Variants in RIF1 observed in about 807,000 individuals in gnomAD.
RIF1 encodes the protein telomere-associated protein RIF1.
Under a neutral mutation model 247.1 loss-of-function variants are expected in RIF1, and 45 were observed. The observed-to-expected ratio is 0.18, with a 90% CI of 0.14 to 0.23. RIF1 has a LOEUF of 0.23. Ranked by LOEUF, RIF1 falls within the 10% of genes least tolerant of loss-of-function variation. The pLI is 1.00. For missense variants in RIF1, 2,967 were observed against 2,862.5 expected (o/e 1.04, Z -0.83); for synonymous variants, 1,087 against 978.8 (o/e 1.11, Z -2.06).
intron 13 of RIF1, among the ~76,000 whole-genome samples, chr2:151,437,590 C>T (rs1019404764): frequency 2.0e-5 from 3 of 151,918 alleles, no homozygotes; most frequent in Non-Finnish European, 2.9e-5. Context: ...ACTCGGGAGG[C>T]GGAGGCATGA....
intron 2 of RIF1, among the ~76,000 whole-genome samples, chr2:151,410,742 C>T (rs905509765): frequency 3.9e-5 from 6 of 152,040 alleles, no homozygotes; most frequent in Non-Finnish European, 7.4e-5. Flanking sequence ...GTGTTTGGAA[C>T]GAGGGAGCAT....
intron 9 of RIF1, chr2:151,492,364 A>G: frequency 1.3e-5 from 20 of 1,592,598 alleles, no homozygotes; most frequent in Non-Finnish European, 1.7e-5. Flanking sequence ...CAGCCAGCCA[A>G]TCCTAAAGAA....
Position 151,474,837 on chromosome 2 carries a change from G to GTTTTTTTTTTTTTTTTTTTTTTTTT in RIF1, c.7205-10_7205-9insTTTTTTTTTTTTTTTTTTTTTTTTT. The GTTTTTTTTTTTTTTTTTTTTTTTTT allele has an allele frequency of 8.2e-7, 1 of 1,218,316 alleles. No individual in the cohort carries two copies. Among genetic ancestry groups the GTTTTTTTTTTTTTTTTTTTTTTTTT allele is most frequent in the Non-Finnish European group, 1.2e-6 (1 of 864,042 alleles). 75.5% of individuals were successfully genotyped at this position (1,218,316 alleles called of 1,614,324 possible). ...TTTGTCTGGTATAGATTTAATTGTGGTTTTTTTTTTCTCTTTTAGATATAA... is the reference window on the plus strand; with the variant it reads ...TTTGTCTGGTATAGATTTAATTGTGGTTTTTTTTTTTTTTTTTTTTTTTTTTTTTTTTTTTCTCTTTTAGATATAA... On this transcript the variant is annotated intron_variant, in intron 35 of 35. Coordinates refer to ENST00000444746, the MANE Select transcript of RIF1 (RefSeq NM_018151.5).
chr2:151,434,357 T>C (rs528610436), intron 10 of RIF1, among the ~76,000 whole-genome samples: 47 of 152,230 alleles, frequency 3.1e-4, no homozygotes, highest in African/African-American at 1.1e-3. Flanking sequence ...TGCATATCCT[T>C]ACTGGCATTT....
chr2:151,441,767 CT>C, intron 15 of RIF1, 137 bp from the exon 16 acceptor site: 2 of 456,952 alleles, frequency 4.4e-6, no homozygotes, highest in Non-Finnish European at 4.0e-6. Flanking sequence ...TGTATTTGAT[CT>C]TTTTTAACTA....
intron 21 of RIF1, among the ~76,000 whole-genome samples, chr2:151,453,888 C>T (rs1276470267): frequency 6.6e-6 from 1 of 152,104 alleles, no homozygotes; most frequent in Non-Finnish European, 1.5e-5. Context: ...ATGGATTATG[C>T]TATTCATTCC....
intron 33 of RIF1, 40 bp from the exon 34 acceptor site, chr2:151,469,671 A>C: frequency 7.1e-7 from 1 of 1,404,596 alleles, no homozygotes; most frequent in Non-Finnish European, 9.5e-7. Flanking sequence ...CATATAAATA[A>C]AACTATATAA....
the RIF1 span, among the ~76,000 whole-genome samples, chr2:151,529,521 G>A: frequency 7.4e-3 from 1,112 of 150,688 alleles, 17 homozygotes; most frequent in African/African-American, 0.026. Flanking sequence ...ATGGTCATCA[G>A]TGTTGCCATA....
chr2:151,428,593 T>C (rs1334819552), intron 8 of RIF1, among the ~76,000 whole-genome samples, 191 bp from the exon 9 acceptor site: 1 of 152,228 alleles, frequency 6.6e-6, no homozygotes, highest in African/African-American at 2.4e-5. Context: ...TATTTTCTTA[T>C]ATTCCTAAGA....
chr2:151,519,282 T>C, the RIF1 span, among the ~76,000 whole-genome samples: 1 of 152,346 alleles, frequency 6.6e-6, no homozygotes, highest in South Asian at 2.1e-4. Flanking sequence ...TACAATGGAA[T>C]ATTATTTAGC....
intron 31 of RIF1, 151 bp from the exon 32 acceptor site, chr2:151,468,323 A>G (rs1559027937): frequency 2.5e-6 from 2 of 811,274 alleles, no homozygotes; most frequent in Admixed American, 5.3e-5. Flanking sequence ...AGAGGCAGTA[A>G]TGATCCAGCA....
chr2:151,446,601 TTTTG>T (rs559696712), intron 20 of RIF1, 26 bp downstream of exon 20: 520 of 1,598,444 alleles, frequency 3.3e-4, no homozygotes, highest in Non-Finnish European at 4.2e-4. Flanking sequence ...TGCTACCTTT[TTTTG>T]TTTGTTTTTA....
At chr2:151,457,637 A>G (rs1695432082) in intron 23 of RIF1, 124 bp from the exon 24 acceptor site, 9 of 647,746 alleles carry the variant, frequency 1.4e-5, no homozygotes, top group Non-Finnish European at 1.9e-5. Context: ...AGAGGGATAT[A>G]TATTTAAGGC....
chr2:151,467,657 C>T (rs888203396), intron 30 of RIF1, among the ~76,000 whole-genome samples: 5 of 152,156 alleles, frequency 3.3e-5, no homozygotes, highest in African/African-American at 1.2e-4. Flanking sequence ...TCTGTTTTTA[C>T]ATCAGTCTTC....
chr2:151,435,962 G>A (rs1300695725), intron 11 of RIF1, among the ~76,000 whole-genome samples: 4 of 152,042 alleles, frequency 2.6e-5, no homozygotes, highest in Non-Finnish European at 5.9e-5. Context: ...GGTGGCTCAC[G>A]CCTGTAATCC....
intron 8 of RIF1, among the ~76,000 whole-genome samples, chr2:151,425,746 A>C (rs1441848335): frequency 1.5e-5 from 2 of 134,476 alleles, no homozygotes; most frequent in Non-Finnish European, 3.0e-5. Context: ...GGCTCACTGC[A>C]ACCTCTGTCT....
intron 13 of RIF1, 55 bp from the exon 14 acceptor site, chr2:151,438,626 CATA>C (rs748417089): frequency 6.8e-6 from 7 of 1,034,394 alleles, no homozygotes; most frequent in Non-Finnish European, 1.1e-5. Flanking sequence ...GAGTGTTAGT[CATA>C]GTACGTAGTC....
At chr2:151,485,676 CTTAGGTAA>C, downstream of RIF1, 1 of 1,325,002 alleles carries the variant, frequency 7.5e-7, no homozygotes, top group Non-Finnish European at 1.0e-6. Flanking sequence ...AGCTTGAGAA[CTTAGGTAA>C]CAGTGGAGAG....
At position 151,443,328 on chromosome 2, in the gene RIF1, A is replaced by G. The variant is rs1424992123; in HGVS notation, c.1804A>G (p.Arg602Gly). The change falls in exon 17 of 36, where the codon AGG (arginine) becomes GGG (glycine). Residue 602 changes from arginine (R) to glycine (G), a missense_variant and splice_region_variant. Coordinates refer to ENST00000444746, the MANE Select transcript of RIF1 (RefSeq NM_018151.5). ...CTTGGAATGTGGTGTATCAGATGAA[A>G]GGTAAGTTTGTACTTTAACTTGAAA... ...NFLECGVSDE[R>G]FFLSLESLVG... is the part of the protein sequence containing the mutation. 1.9e-6 allele frequency: 3 copies of G among 1,578,178 alleles called. No individual in the cohort carries two copies. Among genetic ancestry groups the G allele is most frequent in the Non-Finnish European group, 2.6e-6 (3 of 1,149,328 alleles).
Sources: gnomAD v4.1 joint callset for allele counts (sites outside exome capture counted in the v4.1 genomes callset) on GRCh38, gnomAD v4.1.1 for gene constraint, MANE v1.5 for transcripts, NCBI Gene and HGNC (gene_info 2026-07-23, HGNC 2026-07-21) for gene names.